The following NCR1 variants were observed in gnomAD, a reference collection of about 807,000 sequenced individuals.
NCR1 encodes NK cell-activating receptor.
Under a neutral mutation model 32.5 loss-of-function variants are expected in NCR1, and 30 were observed. The observed-to-expected ratio is 0.92, with a 90% CI of 0.69 to 1.25. The LOEUF is 1.25. Ranked by LOEUF, NCR1 falls within the 50% of genes most tolerant of loss-of-function variation. NCR1 has a pLI of 0.00. For synonymous variants in NCR1, 169 were observed against 143.4 expected, an observed-to-expected ratio of 1.18 and a Z score of -1.28; for missense variants, 369 against 380.7, an observed-to-expected ratio of 0.97 and a Z score of 0.26.
At chr19:54,930,762 C>T in the NCR1 span, 1 of 1,031,202 alleles carries the variant, frequency 9.7e-7, no homozygotes, top group Non-Finnish European at 1.5e-6. Context: ...CACTTATATA[C>T]TGGAATGCAG....
rs1181927487 is a variant in NCR1 at position 54,906,515 on chromosome 19, C to G, written c.71-8C>G. The G allele has an allele frequency of 5.6e-6, 9 of 1,604,164 alleles. No homozygotes were observed. Among genetic ancestry groups the G allele is most frequent in the Non-Finnish European group, 7.6e-6 (9 of 1,179,330 alleles). Reference sequence around the variant, plus strand: ...CCGCTGGAACTCCAGCCTCTGATTCCCTTCCAGAGACTCTCCCAAAACCGT... The same window carrying G: ...CCGCTGGAACTCCAGCCTCTGATTCGCTTCCAGAGACTCTCCCAAAACCGT... On this transcript the variant is annotated splice_region_variant and splice_polypyrimidine_tract_variant and intron_variant, in intron 2 of 6. Coordinates refer to ENST00000291890, the MANE Select transcript of NCR1 (RefSeq NM_004829.7).
chr19:54,931,860 AC>A, the NCR1 span, among the ~76,000 whole-genome samples: 4 of 150,046 alleles, frequency 2.7e-5, no homozygotes, highest in Admixed American at 6.6e-5. Flanking sequence ...AAAAAAAAAA[AC>A]ATCCAAATGG....
the NCR1 span, chr19:54,923,864 G>A: frequency 6.2e-7 from 1 of 1,613,646 alleles, no homozygotes; most frequent in East Asian, 2.2e-5. Context: ...AGTTTCATAG[G>A]TCTTCAACCT....
chr19:54,936,574 C>A, the NCR1 span: 1 of 750,440 alleles, frequency 1.3e-6, no homozygotes, highest in Non-Finnish European at 2.3e-6. Context: ...GTAACCCCAG[C>A]ACTTTGGGAG....
At chr19:54,934,929 T>A in the NCR1 span, among the ~76,000 whole-genome samples, 1 of 152,086 alleles carries the variant, frequency 6.6e-6, no homozygotes, top group Non-Finnish European at 1.5e-5. The surrounding 1 kb of genome is among the most constrained non-coding windows in gnomAD (Gnocchi z 6.7). Flanking sequence ...ACTCCTGACC[T>A]CAGGTGATCC....
intron 5 of NCR1, among the ~76,000 whole-genome samples, chr19:54,910,272 C>A (rs1328216658): frequency 6.6e-6 from 1 of 152,096 alleles, no homozygotes; most frequent in African/African-American, 2.4e-5. Flanking sequence ...CCTGTCTCTA[C>A]TAAAAATACA....
downstream of NCR1, among the ~76,000 whole-genome samples, chr19:54,914,092 T>G (rs190931029): frequency 7.9e-3 from 1,135 of 143,436 alleles, 12 homozygotes; most frequent in African/African-American, 0.025. Flanking sequence ...AAAAAAAAAA[T>G]AAGTGACTCC....
At chr19:54,904,651 G>A (rs955534232), upstream of NCR1, among the ~76,000 whole-genome samples, 8 of 150,710 alleles carry the variant, frequency 5.3e-5, no homozygotes, top group Non-Finnish European at 7.4e-5. Flanking sequence ...TCCTGCCTCA[G>A]CCTCCCGAGT....
the NCR1 span, among the ~76,000 whole-genome samples, chr19:54,930,130 A>AAG: frequency 2.7e-5 from 4 of 150,604 alleles, no homozygotes; most frequent in African/African-American, 7.4e-5. Context: ...AAAAAAAAAA[A>AAG]AAAAGAAAAC....
the NCR1 span, among the ~76,000 whole-genome samples, chr19:54,935,459 G>A: frequency 1.3e-5 from 2 of 152,220 alleles, no homozygotes; most frequent in African/African-American, 4.8e-5. Context: ...ACTTTGGGAG[G>A]CCGAGACAGG....
chr19:54,929,802 T>C, the NCR1 span, among the ~76,000 whole-genome samples: 5 of 152,066 alleles, frequency 3.3e-5, no homozygotes, highest in Admixed American at 3.3e-4. Context: ...TCCGAAGTGA[T>C]ACAGTCTGAG....
chr19:54,898,459 T>G, the NCR1 span, among the ~76,000 whole-genome samples: 1 of 152,034 alleles, frequency 6.6e-6, no homozygotes, highest in Non-Finnish European at 1.5e-5. Context: ...GATACTGGAG[T>G]GGAGGCAAGG....
At chr19:54,930,456 T>C in the NCR1 span, 1 of 1,399,996 alleles carries the variant, frequency 7.1e-7, no homozygotes, top group Admixed American at 1.7e-5. Context: ...AGCAAGACCC[T>C]GTCTCAAAAA....
downstream of NCR1, among the ~76,000 whole-genome samples, chr19:54,914,801 A>G (rs966337288): frequency 2.0e-5 from 3 of 148,694 alleles, no homozygotes; most frequent in African/African-American, 7.5e-5. Context: ...GTGCAGTGGC[A>G]CAATCTCAGC....
At chr19:54,912,359 G>A in intron 6 of NCR1, 141 bp downstream of exon 6, 1 of 806,136 alleles carries the variant, frequency 1.2e-6, no homozygotes, top group Non-Finnish European at 2.0e-6. Flanking sequence ...CCCTTTGGGA[G>A]GCCGAGGCGG....
the NCR1 span, among the ~76,000 whole-genome samples, chr19:54,926,263 G>C: frequency 2.0e-5 from 3 of 151,290 alleles, no homozygotes; most frequent in Non-Finnish European, 3.0e-5. Context: ...CTTCCAGTCT[G>C]TACTCCAGGA....
At chr19:54,899,829 C>T in the NCR1 span, among the ~76,000 whole-genome samples, 4 of 152,070 alleles carry the variant, frequency 2.6e-5, no homozygotes, top group Admixed American at 1.3e-4. Flanking sequence ...GGTGTCCCCG[C>T]GTGATTAAAC....
the NCR1 span, among the ~76,000 whole-genome samples, chr19:54,926,460 C>G: frequency 1.3e-5 from 2 of 152,168 alleles, no homozygotes; most frequent in African/African-American, 4.8e-5. Context: ...AAACTCTTCT[C>G]TGCATGGGAA....
At chr19:54,934,395 C>T in the NCR1 span, 3,635 of 1,280,510 alleles carry the variant, frequency 2.8e-3, 101 homozygotes, top group South Asian at 0.038. This position sits in a 1 kb window ranked among gnomAD's most constrained non-coding sequence, Gnocchi z 6.7. Context: ...CAGCAAGAGG[C>T]GCCACGTGGG....
Sources: allele counts gnomAD v4.1 joint callset (sites outside exome capture counted in the v4.1 genomes callset), GRCh38; gene constraint gnomAD v4.1.1; non-coding constraint Gnocchi (gnomAD v3.1); transcripts MANE v1.5; gene names NCBI Gene and HGNC (gene_info 2026-07-23, HGNC 2026-07-21).